The following PRKCI variants were observed in gnomAD, a reference collection of about 807,000 sequenced individuals.
PRKCI encodes protein kinase C iota type.
In PRKCI, 43 loss-of-function variants were observed where a neutral mutation model predicts 84.0. The ratio of observed to expected loss-of-function variants is 0.51; its 90% CI spans 0.40 to 0.66. The LOEUF (loss-of-function observed/expected upper bound fraction) is 0.66, where lower values mean the gene tolerates loss of function less well. Among genes scored for constraint, PRKCI ranks in the 30% least tolerant of loss-of-function variants. The pLI, the probability that PRKCI is intolerant of heterozygous loss-of-function variation, is 0.00. For synonymous variants in PRKCI, 216 were observed against 234.4 expected (o/e 0.92, Z 0.72); for missense variants, 459 against 745.6 (o/e 0.62, Z 4.48).
intron 3 of PRKCI, among the ~76,000 whole-genome samples, chr3:170,261,449 GTTTTT>G (rs141662590): frequency 7.6e-5 from 10 of 130,750 alleles, no homozygotes; most frequent in African/African-American, 2.9e-4. Context: ...CCTTTACAGT[GTTTTT>G]TTTTTAAAAA....
chr3:170,229,509 C>T (rs1271535439), intron 1 of PRKCI, among the ~76,000 whole-genome samples: 3 of 152,142 alleles, frequency 2.0e-5, no homozygotes, highest in African/African-American at 7.2e-5. Context: ...AGGGACGGGG[C>T]TGGTCTCAAG....
intron 16 of PRKCI, 63 bp downstream of exon 16, chr3:170,297,456 G>C: frequency 7.4e-7 from 1 of 1,342,500 alleles, no homozygotes; most frequent in Non-Finnish European, 1.0e-6. Flanking sequence ...ATTTTTTGTT[G>C]TTGTTCTGTT....
chr3:170,294,985 G>A (rs554565660), intron 14 of PRKCI, among the ~76,000 whole-genome samples: 2 of 152,102 alleles, frequency 1.3e-5, no homozygotes, highest in African/African-American at 2.4e-5. Context: ...CGAGATGGGC[G>A]GATCACTTGA....
chr3:170,223,081 G>A (rs1373708258), intron 1 of PRKCI, among the ~76,000 whole-genome samples: 1 of 152,156 alleles, frequency 6.6e-6, no homozygotes, highest in Non-Finnish European at 1.5e-5. Flanking sequence ...AGCTTTGTAG[G>A]GGCCTTGCAT....
At chr3:170,228,622 C>T (rs886287724) in intron 1 of PRKCI, among the ~76,000 whole-genome samples, 1,712 of 150,114 alleles carry the variant, frequency 0.011, 36 homozygotes, top group African/African-American at 0.041. Flanking sequence ...TATATACACA[C>T]ACACACACAC....
At chr3:170,263,505 G>C (rs913167384) in intron 4 of PRKCI, 76 bp downstream of exon 4, 1 of 1,344,576 alleles carries the variant, frequency 7.4e-7, no homozygotes, top group African/African-American at 1.5e-5. Context: ...ATCAGAGATA[G>C]AATTTTTAGC....
chr3:170,249,400 G>GGA (rs763028580), intron 2 of PRKCI, among the ~76,000 whole-genome samples: 9 of 151,338 alleles, frequency 5.9e-5, no homozygotes, highest in African/African-American at 1.5e-4. Context: ...GAGAGAGAAA[G>GGA]GAGAGAGAGA....
Position 170,303,292 on chromosome 3 carries a change from T to C in PRKCI, c.*165T>C, listed in dbSNP as rs1734867953. ...GAATCAATTATTACATCTGTTTTAC[T>C]ATGAAAAAAAAATTAATACTACTAG... is the stretch of plus-strand genomic sequence containing the variant. On this transcript the variant is annotated 3_prime_UTR_variant, in exon 18 of 18. Transcript: ENST00000295797. 1.7e-5 allele frequency: 7 copies of C among 412,870 alleles called. No homozygotes were observed. Among genetic ancestry groups the C allele is most frequent in the Non-Finnish European group, 2.5e-5 (6 of 237,528 alleles). 25.6% of individuals were successfully genotyped at this position (412,870 alleles called of 1,614,324 possible). A position where few individuals can be genotyped will look rare whatever the true frequency, so the allele number is the denominator to read the frequency against.
chr3:170,280,117 TA>T (rs1178971758), intron 8 of PRKCI, 109 bp from the exon 9 acceptor site: 3 of 983,928 alleles, frequency 3.0e-6, no homozygotes, highest in Non-Finnish European at 4.2e-6. Flanking sequence ...AAAATATTTT[TA>T]TGTTAGGAAA....
At chr3:170,247,660 G>A (rs957534488) in intron 2 of PRKCI, among the ~76,000 whole-genome samples, 4 of 149,856 alleles carry the variant, frequency 2.7e-5, no homozygotes, top group Admixed American at 2.0e-4. Flanking sequence ...AACCTGGGAG[G>A]TGGAGGTTGC....
At chr3:170,283,458 T>A (rs1266698155) in intron 11 of PRKCI, among the ~76,000 whole-genome samples, 1 of 152,228 alleles carries the variant, frequency 6.6e-6, no homozygotes, top group Admixed American at 6.5e-5. Context: ...AGATATAAAT[T>A]GTACTTGTCT....
Position 170,235,566 on chromosome 3 carries a change from C to CTTTTTTTTTTT in PRKCI, c.223+222_223+232dup, listed in dbSNP as rs199938459. The stretch of plus-strand genomic sequence containing the variant: ...CCAAAATGATGTGAAATTAACTTGA[C>CTTTTTTTTTTT]TTTTTTTTTTTTTTTTTGAGACGGA... On this transcript the variant is annotated intron_variant, in intron 2 of 17. Coordinates refer to ENST00000295797, the MANE Select transcript of PRKCI (RefSeq NM_002740.6). Among the ~76,000 whole-genome samples, 707 of 136,070 alleles carry CTTTTTTTTTTT rather than the reference C, an allele frequency of 5.2e-3. 14 individuals are homozygous for CTTTTTTTTTTT. The highest frequency in any genetic ancestry group is 0.041 in the East Asian group (186 of 4,504). The allele number at this position is 136,070 out of a possible 152,430, so 89.3% of individuals were successfully genotyped here.
chr3:170,231,485 G>C (rs1447680194), intron 1 of PRKCI, among the ~76,000 whole-genome samples: 4 of 151,292 alleles, frequency 2.6e-5, no homozygotes, highest in Non-Finnish European at 5.9e-5. Context: ...TGTTTTTTGA[G>C]ACAGAGTCTC....
At chr3:170,281,096 T>G in intron 9 of PRKCI, 70 bp from the exon 10 acceptor site, 1 of 1,318,644 alleles carries the variant, frequency 7.6e-7, no homozygotes, top group Non-Finnish European at 1.1e-6. Context: ...GACCATTGAA[T>G]TGCTCAGAGC....
chr3:170,284,985 A>G (rs939539039), intron 12 of PRKCI, among the ~76,000 whole-genome samples: 5 of 152,202 alleles, frequency 3.3e-5, no homozygotes, highest in African/African-American at 7.2e-5. Flanking sequence ...CTCAGAAGTC[A>G]AACATTTTTT....
intron 12 of PRKCI, among the ~76,000 whole-genome samples, chr3:170,285,598 T>C (rs549217817): frequency 2.0e-5 from 3 of 152,306 alleles, no homozygotes; most frequent in East Asian, 3.8e-4. Context: ...GCTAACAACA[T>C]GGCATATGAC....
rs2108870446 is a variant in PRKCI at position 170,304,067 on chromosome 3, T to C, written c.*940T>C. ...ATCAGATTCCAAATCATTAACTATT[T>C]TTGCAAAACTGGCACAAGTGGTTTT... On this transcript the variant is annotated 3_prime_UTR_variant, in exon 18 of 18. Coordinates refer to ENST00000295797, the MANE Select transcript of PRKCI (RefSeq NM_002740.6). The C allele has an allele frequency of 6.6e-6, 1 of 152,660 alleles. No individual in the cohort carries two copies. The highest frequency in any genetic ancestry group is 2.1e-4 in the South Asian group (1 of 4,832). The allele number at this position is 152,660 out of a possible 1,614,324, so 9.5% of individuals were successfully genotyped here.
chr3:170,258,366 C>A (rs1426108414), intron 2 of PRKCI, among the ~76,000 whole-genome samples: 2 of 151,458 alleles, frequency 1.3e-5, no homozygotes, highest in East Asian at 3.9e-4. Context: ...AGTTCAGTAG[C>A]ACAATCTTGA....
At chr3:170,283,590 T>A (rs1734306781) in intron 11 of PRKCI, among the ~76,000 whole-genome samples, 1 of 152,210 alleles carries the variant, frequency 6.6e-6, no homozygotes, top group Admixed American at 6.6e-5. Flanking sequence ...GAGCCACAGA[T>A]GATATTTTGA....
Sources: gnomAD v4.1 joint callset for allele counts (sites outside exome capture counted in the v4.1 genomes callset) on GRCh38, gnomAD v4.1.1 for gene constraint, MANE v1.5 for transcripts, NCBI Gene and HGNC (gene_info 2026-07-23, HGNC 2026-07-21) for gene names.